Variants in STK32B observed in about 807,000 individuals in gnomAD.
The protein encoded by STK32B is serine/threonine-protein kinase 32B.
A neutral mutation model predicts 52.6 loss-of-function variants in STK32B; 43 were observed. The ratio of observed to expected loss-of-function variants is 0.82; its 90% CI spans 0.64 to 1.05. STK32B has a LOEUF of 1.05. Among genes scored for constraint, STK32B ranks in the 50% least tolerant of loss-of-function variants. STK32B has a pLI of 0.00. For synonymous variants in STK32B, 238 were observed against 204.3 expected (o/e 1.17, Z -1.41); for missense variants, 621 against 534.6 (o/e 1.16, Z -1.59).
chr4:5,111,571 C>T (rs1158559454), intron 1 of STK32B, among the ~76,000 whole-genome samples: 1 of 152,038 alleles, frequency 6.6e-6, no homozygotes, highest in Non-Finnish European at 1.5e-5. Context: ...GAAGGCTACA[C>T]ATGGACATAA....
chr4:5,147,466 G>A (rs1272197166), intron 2 of STK32B, among the ~76,000 whole-genome samples: 4 of 152,010 alleles, frequency 2.6e-5, no homozygotes, highest in Non-Finnish European at 4.4e-5. Context: ...CAATATTGAG[G>A]AGAAGTGGTG....
intron 1 of STK32B, among the ~76,000 whole-genome samples, chr4:5,136,600 A>G (rs939308969): frequency 1.3e-5 from 2 of 152,338 alleles, no homozygotes; most frequent in South Asian, 4.1e-4. Flanking sequence ...CAAGGAAACC[A>G]GGACAAGATG....
At chr4:5,116,814 C>T (rs574559997) in intron 1 of STK32B, among the ~76,000 whole-genome samples, 1 of 151,342 alleles carries the variant, frequency 6.6e-6, no homozygotes, top group Admixed American at 6.6e-5. Flanking sequence ...GTTTTAATTC[C>T]TTTCATCAAT....
intron 3 of STK32B, among the ~76,000 whole-genome samples, chr4:5,239,710 G>A: frequency 6.6e-6 from 1 of 152,142 alleles, no homozygotes; most frequent in East Asian, 1.9e-4. Context: ...ACAAGATGGT[G>A]TTGGCTGGCA....
chr4:5,176,129 C>A (rs564251853), intron 3 of STK32B, among the ~76,000 whole-genome samples: 2 of 152,282 alleles, frequency 1.3e-5, no homozygotes, highest in Non-Finnish European at 1.5e-5. Flanking sequence ...CCTGGTGTGC[C>A]GTTTGTTGCG....
At chr4:5,195,757 T>C (rs1721598058) in intron 3 of STK32B, among the ~76,000 whole-genome samples, 1 of 152,194 alleles carries the variant, frequency 6.6e-6, no homozygotes, top group South Asian at 2.1e-4. Context: ...GAAAAGAAAG[T>C]TGGGAAGGCT....
intron 3 of STK32B, among the ~76,000 whole-genome samples, chr4:5,289,377 A>G (rs1240325908): frequency 1.3e-5 from 2 of 152,180 alleles, no homozygotes; most frequent in Non-Finnish European, 2.9e-5. Context: ...GGTCAAGGAC[A>G]TTATTGTACA....
chr4:5,466,942 C>T (rs769376728), intron 10 of STK32B, 108 bp downstream of exon 10: 43 of 1,394,070 alleles, frequency 3.1e-5, no homozygotes, highest in Non-Finnish European at 4.1e-5. Context: ...TCCTCCCTTC[C>T]AATTTCCTTA....
At chr4:5,306,889 T>C (rs1372639112) in intron 3 of STK32B, among the ~76,000 whole-genome samples, 1 of 152,180 alleles carries the variant, frequency 6.6e-6, no homozygotes, top group Non-Finnish European at 1.5e-5. Context: ...CTTTCCTTCA[T>C]TTATGAAGCT....
intron 4 of STK32B, among the ~76,000 whole-genome samples, chr4:5,339,421 T>C (rs62297274): frequency 0.025 from 3,760 of 152,336 alleles, 239 homozygotes; most frequent in Admixed American, 0.15. Context: ...CCTCCTTTCT[T>C]ATGGTTCATA....
Position 5,051,805 on chromosome 4 carries a change from A to ACATCCCG in STK32B, c.-53_-47dup. The ACATCCCG allele has an allele frequency of 2.6e-6, 4 of 1,557,246 alleles. No individual in the cohort carries two copies. The highest frequency in any genetic ancestry group is 2.4e-5 in the East Asian group (1 of 40,998). On this transcript the variant is annotated 5_prime_UTR_variant, in exon 1 of 12. Transcript: ENST00000282908. Reference sequence around the variant, plus strand: ...CATCCCGCATCTCTGCGCGCGTCCCACATCCCGCATCCGGCATCCCAGCGG... The same window carrying ACATCCCG: ...CATCCCGCATCTCTGCGCGCGTCCCACATCCCGCATCCCGCATCCGGCATCCCAGCGG...
chr4:5,435,428 CTG>C (rs1186239952), intron 6 of STK32B, among the ~76,000 whole-genome samples: 3 of 152,140 alleles, frequency 2.0e-5, no homozygotes, highest in African/African-American at 7.2e-5. Context: ...CCAGCCTTTT[CTG>C]TGTCGTCCCA....
intron 5 of STK32B, among the ~76,000 whole-genome samples, chr4:5,408,503 A>T (rs1438892158): frequency 1.3e-5 from 2 of 152,150 alleles, no homozygotes; most frequent in Non-Finnish European, 2.9e-5. Context: ...CTGTAGAACC[A>T]TGAGCCACCA....
chr4:5,424,828 G>C (rs1712949095), intron 6 of STK32B, among the ~76,000 whole-genome samples: 1 of 152,326 alleles, frequency 6.6e-6, no homozygotes, highest in South Asian at 2.1e-4. Flanking sequence ...AAGAAGGAGA[G>C]AAGGGAGAAG....
At chr4:5,106,058 T>C (rs1286311328) in intron 1 of STK32B, among the ~76,000 whole-genome samples, 3 of 151,630 alleles carry the variant, frequency 2.0e-5, no homozygotes, top group African/African-American at 7.3e-5. Context: ...ATCCCAGCAC[T>C]TTGGGAGGCC....
At chr4:5,229,093 G>T (rs1291898659) in intron 3 of STK32B, among the ~76,000 whole-genome samples, 1 of 151,986 alleles carries the variant, frequency 6.6e-6, no homozygotes, top group Non-Finnish European at 1.5e-5. Flanking sequence ...TACTAACAAA[G>T]TCAGCACATG....
chr4:5,488,856 CTAAA>C (rs1470524685), intron 11 of STK32B, among the ~76,000 whole-genome samples: 1 of 151,988 alleles, frequency 6.6e-6, no homozygotes. Context: ...AAAACCACCT[CTAAA>C]TAGCCTCTGA....
Position 5,331,347 on chromosome 4 carries a change from C to G in STK32B, c.388C>G (p.Leu130Val), listed in dbSNP as rs774970997. 6.2e-7 allele frequency: 1 copy of G among 1,613,828 alleles called. No individual in the cohort carries two copies. The highest frequency in any genetic ancestry group is 8.5e-7 in the Non-Finnish European group (1 of 1,179,856). The change falls in exon 4 of 12, where the codon CTG (leucine) becomes GTG (valine). Residue 130 changes from leucine to valine, a missense_variant. Leu to Val is a conservative substitution (Grantham distance 32). Transcript: ENST00000282908. ...EGTVKLYICE[L>V]ALALEYLQRY... ...GACTGTGAAACTCTACATCTGTGAG[C>G]TGGCACTGGCCCTGGAGTATCTTCA...
chr4:5,063,531 C>T (rs540870641), intron 1 of STK32B, among the ~76,000 whole-genome samples: 6 of 152,024 alleles, frequency 3.9e-5, no homozygotes, highest in East Asian at 1.9e-4. Context: ...TTAGTAGAGA[C>T]GGGGTTTCAC....
Sources: allele counts gnomAD v4.1 joint callset (sites outside exome capture counted in the v4.1 genomes callset), GRCh38; gene constraint gnomAD v4.1.1; transcripts MANE v1.5; gene names NCBI Gene and HGNC (gene_info 2026-07-23, HGNC 2026-07-21).